The following ELF1 variants were observed in gnomAD, a reference collection of about 807,000 sequenced individuals.
The protein encoded by ELF1 is ETS-related transcription factor Elf-1.
In ELF1, 24 loss-of-function variants were observed where a neutral mutation model predicts 59.9. The ratio of observed to expected loss-of-function variants is 0.40; its 90% CI spans 0.29 to 0.56. The LOEUF is 0.56. ELF1 is among the 20% of genes least tolerant of loss of function. ELF1 has a pLI of 0.44. For missense variants in ELF1, 627 were observed against 742.2 expected (o/e 0.84, Z 1.80); for synonymous variants, 248 against 266.2 (o/e 0.93, Z 0.67).
At chr13:41,015,004 A>C (rs1014343524) in intron 1 of ELF1, among the ~76,000 whole-genome samples, 10 of 152,174 alleles carry the variant, frequency 6.6e-5, no homozygotes, top group African/African-American at 1.9e-4. Context: ...CCCTCCCCCC[A>C]AAAAAAGAAA....
intron 1 of ELF1, among the ~76,000 whole-genome samples, chr13:40,995,631 C>A (rs1874090028): frequency 6.7e-6 from 1 of 150,184 alleles, no homozygotes; most frequent in South Asian, 2.1e-4. Flanking sequence ...TTTTTTCAAC[C>A]AACAGTGGTA....
At chr13:40,988,603 C>T (rs1873678639) in intron 1 of ELF1, among the ~76,000 whole-genome samples, 1 of 152,080 alleles carries the variant, frequency 6.6e-6, no homozygotes, top group Admixed American at 6.6e-5. Flanking sequence ...TTGTAGATTT[C>T]CCTATTTACT....
At chr13:40,938,111 C>G (rs1869910067) in intron 8 of ELF1, among the ~76,000 whole-genome samples, 4 of 152,182 alleles carry the variant, frequency 2.6e-5, no homozygotes, top group Admixed American at 2.6e-4. Flanking sequence ...GGCACTGCAC[C>G]TGGCCAGGAT....
chr13:40,937,908 C>T (rs899756825), intron 8 of ELF1, among the ~76,000 whole-genome samples: 1 of 152,234 alleles, frequency 6.6e-6, no homozygotes, highest in Non-Finnish European at 1.5e-5. Flanking sequence ...TCTGCCCCTC[C>T]TGAGTTCAAG....
At position 41,019,315 on chromosome 13, in the gene ELF1, T is replaced by C. The variant is rs1415938239; in HGVS notation, c.-316A>G. 3 of 985,250 alleles carry C rather than the reference T, an allele frequency of 3.0e-6. No homozygotes were observed. Among genetic ancestry groups the C allele is most frequent in the Non-Finnish European group, 3.6e-6 (3 of 829,928 alleles). 61.0% of individuals were successfully genotyped at this position (985,250 alleles called of 1,614,324 possible). A position where few individuals can be genotyped will look rare whatever the true frequency, so the allele number is the denominator to read the frequency against. On this transcript the variant is annotated 5_prime_UTR_variant, in exon 1 of 9. Coordinates refer to ENST00000239882, the MANE Select transcript of ELF1 (RefSeq NM_172373.4). ...TAGCTGTTAAAATGGCTCCTGTAGA[T>C]TGGGGAAGTGGTGTCTGTGCTTCAG...
chr13:41,000,343 C>A (rs1874359118), intron 1 of ELF1, among the ~76,000 whole-genome samples: 1 of 145,486 alleles, frequency 6.9e-6, no homozygotes, highest in African/African-American at 2.5e-5. Flanking sequence ...GCTGCCTCAG[C>A]CTCTGGAGTA....
chr13:41,058,035 A>G (rs1256801791), intron 1 of ELF1, among the ~76,000 whole-genome samples: 1 of 152,210 alleles, frequency 6.6e-6, no homozygotes, highest in Admixed American at 6.5e-5. Flanking sequence ...TTCAACTCCT[A>G]AACATAAAAT....
chr13:41,015,335 C>CA (rs143567934), intron 1 of ELF1, among the ~76,000 whole-genome samples: 5,502 of 146,056 alleles, frequency 0.038, 155 homozygotes, highest in Middle Eastern at 0.059. Flanking sequence ...TATAGCACAG[C>CA]AAAAAAAAAC....
intron 1 of ELF1, among the ~76,000 whole-genome samples, chr13:41,001,120 G>A (rs1431347917): frequency 1.3e-5 from 2 of 151,724 alleles, no homozygotes; most frequent in Non-Finnish European, 2.9e-5. Context: ...GGGATTACAG[G>A]TGCCCACCAC....
chr13:40,988,167 GCA>G (rs1483753536), intron 1 of ELF1, among the ~76,000 whole-genome samples: 1 of 152,182 alleles, frequency 6.6e-6, no homozygotes, highest in Admixed American at 6.5e-5. Flanking sequence ...AAGATAAACT[GCA>G]CACAGTCTTC....
intron 2 of ELF1, among the ~76,000 whole-genome samples, chr13:40,978,451 A>G (rs1284690157): frequency 6.6e-6 from 1 of 151,984 alleles, no homozygotes; most frequent in Non-Finnish European, 1.5e-5. Flanking sequence ...GAGTGAAGAG[A>G]ATAAAGCTTT....
At chr13:40,993,011 T>C in intron 1 of ELF1, 1 of 1,434,042 alleles carries the variant, frequency 7.0e-7, no homozygotes, top group Non-Finnish European at 9.8e-7. Flanking sequence ...GTAGGTTCTC[T>C]TTGTTGTATT....
At chr13:40,964,152 T>C (rs1386398333) in intron 2 of ELF1, among the ~76,000 whole-genome samples, 1 of 152,168 alleles carries the variant, frequency 6.6e-6, no homozygotes, top group Non-Finnish European at 1.5e-5. Context: ...ACCTAAGAAC[T>C]CTAGAACCAC....
chr13:41,047,857 C>T (rs1405090722), intron 1 of ELF1, among the ~76,000 whole-genome samples: 1 of 152,228 alleles, frequency 6.6e-6, no homozygotes, highest in Non-Finnish European at 1.5e-5. Flanking sequence ...TTTTGTTTGG[C>T]TATGCCCTGC....
intron 1 of ELF1, among the ~76,000 whole-genome samples, chr13:40,987,284 G>A (rs1249473936): frequency 6.7e-6 from 1 of 148,300 alleles, no homozygotes; most frequent in Non-Finnish European, 1.5e-5. Flanking sequence ...ACTGTTTATG[G>A]TGAAAATTAA....
At chr13:40,939,055 A>G (rs1869968503) in intron 8 of ELF1, among the ~76,000 whole-genome samples, 1 of 152,354 alleles carries the variant, frequency 6.6e-6, no homozygotes, top group African/African-American at 2.4e-5. Flanking sequence ...ATTCTAGGCC[A>G]GATGCAGTGG....
rs2047530252 is a variant in ELF1, at chr13:40,933,602, T to A, written c.1683A>T (p.Glu561Asp). ...CTACTTCCTGTGTAAGAGTTTTTGT[T>A]TCTTGAGTTTTGATAACTGAAGTGA... ...TVITSVIKTQ[E>D]TKTLTQEVEK... is the part of the protein sequence containing the mutation. Residue 561 changes from glutamate to aspartate, a missense_variant, in exon 9 of 9, where the codon GAA becomes GAT. By Grantham distance (45) the Glu-to-Asp change is conservative. Around this residue, in one of 3 missense-constraint regions of ELF1, gnomAD observed 361 missense variants for 396.1 expected, o/e 0.91. Transcript: ENST00000239882. The A allele has an allele frequency of 2.5e-6, 4 of 1,614,132 alleles. No homozygotes were observed. Among genetic ancestry groups the A allele is most frequent in the Non-Finnish European group, 2.5e-6 (3 of 1,180,052 alleles).
chr13:41,034,585 G>T (rs1876297257), intron 1 of ELF1, among the ~76,000 whole-genome samples: 1 of 151,976 alleles, frequency 6.6e-6, no homozygotes, highest in Non-Finnish European at 1.5e-5. Context: ...TGCATATTTT[G>T]ATTAAAATGG....
intron 2 of ELF1, among the ~76,000 whole-genome samples, chr13:40,969,456 G>C (rs1011267828): frequency 6.6e-6 from 1 of 152,136 alleles, no homozygotes; most frequent in Non-Finnish European, 1.5e-5. Context: ...CTTGTAAAAT[G>C]GGGATAACAA....
Sources: allele counts gnomAD v4.1 joint callset (sites outside exome capture counted in the v4.1 genomes callset), GRCh38; gene constraint gnomAD v4.1.1; regional missense constraint gnomAD v4.1.1; transcripts MANE v1.5; gene names NCBI Gene and HGNC (gene_info 2026-07-23, HGNC 2026-07-21).